CNBD1: variants seen among roughly 807,000 people sequenced by gnomAD.
CNBD1 encodes cyclic nucleotide-binding domain-containing protein 1.
A neutral mutation model predicts 54.4 loss-of-function variants in CNBD1; 71 were observed. The ratio of observed to expected loss-of-function variants is 1.30; its 90% CI spans 1.08 to 1.59. The LOEUF (loss-of-function observed/expected upper bound fraction) is 1.59, where lower values mean the gene tolerates loss of function less well. Among genes scored for constraint, CNBD1 ranks in the 40% most tolerant of loss-of-function variants. CNBD1 has a pLI of 0.00. For synonymous variants in CNBD1, 182 were observed against 170.7 expected (o/e 1.07, Z -0.51); for missense variants, 659 against 518.0 (o/e 1.27, Z -2.64).
At chr8:87,291,980 G>C (rs1808794917) in intron 8 of CNBD1, among the ~76,000 whole-genome samples, 1 of 152,116 alleles carries the variant, frequency 6.6e-6, no homozygotes, top group Non-Finnish European at 1.5e-5. Context: ...TTTACCCTTA[G>C]ACCAAAGTTA....
chr8:87,315,539 G>A (rs375912204), intron 8 of CNBD1, among the ~76,000 whole-genome samples: 2 of 151,902 alleles, frequency 1.3e-5, no homozygotes, highest in African/African-American at 4.8e-5. Context: ...CAAAAGAATA[G>A]GAAGGTGCCA....
chr8:87,025,484 G>A lies in CNBD1; in HGVS notation c.431+85730G>A, dbSNP rs142805251. Among the ~76,000 whole-genome samples the A allele has an allele frequency of 5.4e-3, 827 of 152,270 alleles. 12 individuals carry two copies. The highest frequency in any genetic ancestry group is 0.018 in the African/African-American group (763 of 41,540). ...CCCAGTGAGTGGAACAAACAACTCC[G>A]GACAGGTAACCTTTAAGAGCTGTAA... On this transcript the variant is annotated intron_variant, in intron 4 of 10. Coordinates refer to ENST00000518476, the MANE Select transcript of CNBD1 (RefSeq NM_173538.3).
At chr8:87,180,584 A>AT (rs1312196513) in intron 4 of CNBD1, among the ~76,000 whole-genome samples, 1 of 152,154 alleles carries the variant, frequency 6.6e-6, no homozygotes, top group Non-Finnish European at 1.5e-5. Context: ...AAATTTACAT[A>AT]TTTTTGTTAT....
At chr8:87,328,590 C>A (rs957626691) in intron 8 of CNBD1, among the ~76,000 whole-genome samples, 1 of 151,638 alleles carries the variant, frequency 6.6e-6, no homozygotes, top group Non-Finnish European at 1.5e-5. Context: ...TGCTTGGAGT[C>A]CTTTGTGATT....
At chr8:87,203,557 A>G (rs2130795488) in intron 4 of CNBD1, among the ~76,000 whole-genome samples, 1 of 152,296 alleles carries the variant, frequency 6.6e-6, no homozygotes, top group South Asian at 2.1e-4. Flanking sequence ...GAAGGAACCC[A>G]TTTTTGAACA....
At chr8:86,970,737 T>C (rs1808200923) in intron 4 of CNBD1, among the ~76,000 whole-genome samples, 1 of 152,198 alleles carries the variant, frequency 6.6e-6, no homozygotes, top group African/African-American at 2.4e-5. Context: ...TTAATTCACT[T>C]AGAATTTATG....
intron 8 of CNBD1, among the ~76,000 whole-genome samples, chr8:87,308,538 A>G (rs1221222617): frequency 6.6e-6 from 1 of 152,162 alleles, no homozygotes; most frequent in Non-Finnish European, 1.5e-5. Flanking sequence ...TCATGATCAA[A>G]TCAGTGTATT....
chr8:87,400,230 A>C (rs1285039884), intron 2 of CNBD1, among the ~76,000 whole-genome samples: 1 of 152,000 alleles, frequency 6.6e-6, no homozygotes, highest in African/African-American at 2.4e-5. Context: ...TGCAAAGGTA[A>C]TTGCATTTTT....
At chr8:87,337,968 A>G (rs1192138939) in intron 8 of CNBD1, among the ~76,000 whole-genome samples, 2 of 151,822 alleles carry the variant, frequency 1.3e-5, no homozygotes, top group African/African-American at 2.4e-5. Context: ...TTGTTTTTCT[A>G]TTTTTGTCTT....
chr8:87,390,239 T>G (rs1438343294), intron 2 of CNBD1, among the ~76,000 whole-genome samples: 9 of 152,068 alleles, frequency 5.9e-5, no homozygotes, highest in Admixed American at 4.6e-4. Flanking sequence ...AAAGCCAAAA[T>G]TGACAAATGG....
chr8:86,973,217 T>A (rs573708339), intron 4 of CNBD1, among the ~76,000 whole-genome samples: 1 of 152,340 alleles, frequency 6.6e-6, no homozygotes, highest in South Asian at 2.1e-4. Flanking sequence ...CATGTGCCTG[T>A]GCTAATGCTC....
At chr8:87,428,265 A>C (rs9297322) in intron 2 of CNBD1, among the ~76,000 whole-genome samples, 85,971 of 151,808 alleles carry the variant, frequency 0.57, 25,852 homozygotes, top group African/African-American at 0.77. Flanking sequence ...TTGAGGTAGA[A>C]AACCACTAAT....
At chr8:87,420,767 T>C (rs991145939) in intron 2 of CNBD1, among the ~76,000 whole-genome samples, 1 of 151,246 alleles carries the variant, frequency 6.6e-6, no homozygotes, top group Non-Finnish European at 1.5e-5. Context: ...GTTTGCTTGA[T>C]TTTCTTCTTT....
At chr8:87,209,233 C>G (rs929914791) in intron 5 of CNBD1, among the ~76,000 whole-genome samples, 1 of 152,062 alleles carries the variant, frequency 6.6e-6, no homozygotes, top group Non-Finnish European at 1.5e-5. Flanking sequence ...TTCTGACACT[C>G]TTCCAAAAAT....
At chr8:86,965,839 G>A (rs1164046284) in intron 4 of CNBD1, among the ~76,000 whole-genome samples, 1 of 152,140 alleles carries the variant, frequency 6.6e-6, no homozygotes, top group Non-Finnish European at 1.5e-5. Flanking sequence ...TCCTCTCATA[G>A]GCAGATCATC....
At chr8:87,101,525 G>T (rs920347632) in intron 4 of CNBD1, among the ~76,000 whole-genome samples, 32 of 152,066 alleles carry the variant, frequency 2.1e-4, no homozygotes, top group African/African-American at 7.2e-4. Context: ...AACTAAAAGG[G>T]AGAAATAGAC....
At chr8:87,181,011 G>T (rs996238960) in intron 4 of CNBD1, among the ~76,000 whole-genome samples, 23 of 152,106 alleles carry the variant, frequency 1.5e-4, no homozygotes, top group African/African-American at 5.6e-4. Context: ...TCTCCACTCT[G>T]CAATCTGTCT....
At position 87,274,489 on chromosome 8, in the gene CNBD1, T is replaced by A. The variant is rs562558709; in HGVS notation, c.772-10189T>A. Among the ~76,000 whole-genome samples the A allele has an allele frequency of 2.4e-4, 36 of 148,990 alleles. 1 individual carries two copies. The highest frequency in any genetic ancestry group is 3.4e-3 in the Middle Eastern group (1 of 292). On this transcript the variant is annotated intron_variant, in intron 6 of 10. Transcript: ENST00000518476. ...TAACTGGTGTGAGATGATATCTCAT[T>A]GTGGTTTTGATTTGCATTTCTCTGA... is the stretch of plus-strand genomic sequence containing the variant.
intron 4 of CNBD1, among the ~76,000 whole-genome samples, chr8:87,201,875 C>T (rs1813870324): frequency 6.6e-6 from 1 of 152,108 alleles, no homozygotes; most frequent in Non-Finnish European, 1.5e-5. Flanking sequence ...GCCTCAGCCT[C>T]CTGAGTAACT....
Sources: gnomAD v4.1 joint callset for allele counts (sites outside exome capture counted in the v4.1 genomes callset) on GRCh38, gnomAD v4.1.1 for gene constraint, MANE v1.5 for transcripts, NCBI Gene and HGNC (gene_info 2026-07-23, HGNC 2026-07-21) for gene names.